Variants in NKAIN2 observed in about 807,000 individuals in gnomAD.
NKAIN2 encodes the protein sodium/potassium-transporting ATPase subunit beta-1-interacting protein 2.
In NKAIN2, 14 loss-of-function variants were observed where a neutral mutation model predicts 32.6. The ratio of observed to expected loss-of-function variants is 0.43; its 90% CI spans 0.28 to 0.67. The LOEUF is 0.67. NKAIN2 is among the 30% of genes least tolerant of loss of function. NKAIN2 has a pLI of 0.17. For missense variants in NKAIN2, 198 were observed against 258.3 expected, an observed-to-expected ratio of 0.77 and a Z score of 1.60; for synonymous variants, 80 against 87.2, an observed-to-expected ratio of 0.92 and a Z score of 0.46.
chr6:124,181,437 A>G (rs185134382), intron 1 of NKAIN2, among the ~76,000 whole-genome samples: 313 of 152,264 alleles, frequency 2.1e-3, no homozygotes, highest in African/African-American at 7.3e-3. Flanking sequence ...CTCCTCAGAA[A>G]ATGGGTTTTT....
intron 6 of NKAIN2, chr6:124,819,201 T>C: frequency 6.6e-6 from 4 of 606,666 alleles, no homozygotes; most frequent in Non-Finnish European, 8.3e-6. Context: ...TTTTAAAATG[T>C]GAACTTCTCT....
chr6:124,252,449 G>A (rs865917329), intron 1 of NKAIN2, among the ~76,000 whole-genome samples: 2 of 152,166 alleles, frequency 1.3e-5, no homozygotes, highest in Non-Finnish European at 2.9e-5. Flanking sequence ...CTTACCTGAA[G>A]GAGGAAGATG....
intron 1 of NKAIN2, among the ~76,000 whole-genome samples, chr6:124,134,200 C>G (rs1786617371): frequency 1.3e-5 from 2 of 150,782 alleles, no homozygotes; most frequent in Admixed American, 1.3e-4. Context: ...AAAGACAAAA[C>G]AGTCACAACT....
intron 1 of NKAIN2, among the ~76,000 whole-genome samples, chr6:123,899,327 C>T (rs1214924045): frequency 5.9e-5 from 9 of 152,068 alleles, no homozygotes; most frequent in Non-Finnish European, 1.0e-4. Context: ...TTTTCTTCCT[C>T]TGTATTCCCT....
chr6:124,653,444 CAAAAAAAAAA>C (rs35842873), intron 3 of NKAIN2, among the ~76,000 whole-genome samples: 186 of 79,716 alleles, frequency 2.3e-3, no homozygotes, highest in African/African-American at 8.6e-3. Context: ...CATCCACATG[CAAAAAAAAAA>C]AAAAAAAAAA....
chr6:124,454,096 G>GTT lies in NKAIN2; in HGVS notation c.273+98758_273+98759dup, dbSNP rs34030256. 4.8e-3 allele frequency among the ~76,000 whole-genome samples: 402 copies of GTT among 83,292 alleles called. 3 individuals carry two copies. The highest frequency in any genetic ancestry group is 0.013 in the African/African-American group (378 of 29,532). 54.6% of individuals were successfully genotyped at this position (83,292 alleles called of 152,430 possible). A position where few individuals can be genotyped will look rare whatever the true frequency, so the allele number is the denominator to read the frequency against. ...AATACTTAGTTCTTTAATATGTTGGGTTTTTTTTTTGGGGGGGGGGGTTGC... is the reference window on the plus strand; with the variant it reads ...AATACTTAGTTCTTTAATATGTTGGGTTTTTTTTTTTTGGGGGGGGGGGTTGC... On this transcript the variant is annotated intron_variant, in intron 3 of 6. Coordinates refer to ENST00000368417, the MANE Select transcript of NKAIN2 (RefSeq NM_001040214.3).
At chr6:124,674,818 T>C (rs529068565) in intron 4 of NKAIN2, among the ~76,000 whole-genome samples, 2 of 152,146 alleles carry the variant, frequency 1.3e-5, no homozygotes, top group East Asian at 3.9e-4. Context: ...TTATTCTTTC[T>C]TCTTTTCTGA....
At chr6:123,830,301 A>C (rs1774324065) in intron 1 of NKAIN2, among the ~76,000 whole-genome samples, 1 of 152,148 alleles carries the variant, frequency 6.6e-6, no homozygotes, top group South Asian at 2.1e-4. Flanking sequence ...TTAAATGCAG[A>C]TCTAATCGCA....
chr6:124,237,705 A>G (rs1792850125), intron 1 of NKAIN2, among the ~76,000 whole-genome samples: 1 of 152,164 alleles, frequency 6.6e-6, no homozygotes, highest in South Asian at 2.1e-4. Context: ...GGAAATAAAA[A>G]TACTAGGAAA....
In NKAIN2 at chr6:124,269,470, C is replaced by CT. The variant is rs1272956099; in HGVS notation, c.55-13524dup. Among the ~76,000 whole-genome samples, 763 of 126,266 alleles carry CT rather than the reference C, an allele frequency of 6.0e-3. 1 individual carries two copies. Among genetic ancestry groups the CT allele is most frequent in the African/African-American group, 0.012 (416 of 34,302 alleles). The allele number at this position is 126,266 out of a possible 152,430, so 82.8% of individuals were successfully genotyped here. A position where few individuals can be genotyped will look rare whatever the true frequency, so the allele number is the denominator to read the frequency against. ...CTTTCTTTCTTTTTTTTTTCTTTTT[C>CT]TTTTTTTTTTTCTGGAGACATAGTT... is the stretch of plus-strand genomic sequence containing the variant. On this transcript the variant is annotated intron_variant, in intron 1 of 6. Transcript: ENST00000368417.
chr6:124,392,435 AC>A (rs2114419846), intron 3 of NKAIN2, among the ~76,000 whole-genome samples: 1 of 152,254 alleles, frequency 6.6e-6, no homozygotes, highest in South Asian at 2.1e-4. Context: ...GTTAGAAATA[AC>A]CCTTAAGGTT....
At position 124,072,716 on chromosome 6, in the gene NKAIN2, C is replaced by T. The variant is rs1297556426; in HGVS notation, c.55-210289C>T. Reference sequence around the variant, plus strand: ...AAAATGCTGCAAGTTCCTTGATTTCCAAGAAATATTTCAAAATCCACTTCT... The same window carrying T: ...AAAATGCTGCAAGTTCCTTGATTTCTAAGAAATATTTCAAAATCCACTTCT... On this transcript the variant is annotated intron_variant, in intron 1 of 6. Transcript: ENST00000368417. Among the ~76,000 whole-genome samples the T allele has an allele frequency of 2.6e-5, 4 of 152,134 alleles. No individual in the cohort carries two copies. In the East Asian group the frequency reaches 7.7e-4, roughly 29 times the overall value.
chr6:123,990,086 G>T (rs1241468229), intron 1 of NKAIN2, among the ~76,000 whole-genome samples: 3 of 152,144 alleles, frequency 2.0e-5, no homozygotes, highest in Non-Finnish European at 4.4e-5. Context: ...TGGAGTGAGT[G>T]CAAGCAGGAT....
chr6:124,460,565 A>T (rs866325326), intron 3 of NKAIN2, among the ~76,000 whole-genome samples: 1 of 151,576 alleles, frequency 6.6e-6, no homozygotes, highest in African/African-American at 2.4e-5. Context: ...TCATGTATTT[A>T]CCTCTTATTA....
chr6:124,151,431 A>G (rs914953538), intron 1 of NKAIN2, among the ~76,000 whole-genome samples: 3 of 151,980 alleles, frequency 2.0e-5, no homozygotes, highest in Non-Finnish European at 4.4e-5. Context: ...TCTTGGATGC[A>G]TATGTGGTTT....
Position 124,014,912 on chromosome 6 carries a change from A to G in NKAIN2, c.54+210658A>G, listed in dbSNP as rs7755773. Among the ~76,000 whole-genome samples the G allele has an allele frequency of 4.8e-3, 737 of 152,196 alleles. 11 individuals are homozygous for G. The highest frequency in any genetic ancestry group is 0.017 in the African/African-American group (691 of 41,540). ...TTTAACGTATCTCCCTCTAATGGACACATTTTTTCCATTTTTGAGATTATA... is the reference window on the plus strand; with the variant it reads ...TTTAACGTATCTCCCTCTAATGGACGCATTTTTTCCATTTTTGAGATTATA... On this transcript the variant is annotated intron_variant, in intron 1 of 6. Coordinates refer to ENST00000368417, the MANE Select transcript of NKAIN2 (RefSeq NM_001040214.3).
At chr6:123,958,598 G>A (rs906880620) in intron 1 of NKAIN2, among the ~76,000 whole-genome samples, 3 of 152,204 alleles carry the variant, frequency 2.0e-5, no homozygotes, top group East Asian at 3.9e-4. Flanking sequence ...CCTCCCAAAG[G>A]CCCCACCTTT....
chr6:124,458,559 A>T (rs1583283509), intron 3 of NKAIN2, among the ~76,000 whole-genome samples: 1 of 151,876 alleles, frequency 6.6e-6, no homozygotes, highest in African/African-American at 2.4e-5. Context: ...ACTATTATTA[A>T]TCGGTCTTAA....
chr6:124,397,266 T>C (rs1392153183), intron 3 of NKAIN2, among the ~76,000 whole-genome samples: 3 of 152,024 alleles, frequency 2.0e-5, no homozygotes, highest in African/African-American at 7.2e-5. Context: ...TTAAATAATA[T>C]AAATAAATGT....
Sources: gnomAD v4.1 joint callset for allele counts (sites outside exome capture counted in the v4.1 genomes callset) on GRCh38, gnomAD v4.1.1 for gene constraint, MANE v1.5 for transcripts, NCBI Gene and HGNC (gene_info 2026-07-23, HGNC 2026-07-21) for gene names.